ASAP1: variants seen among roughly 807,000 people sequenced by gnomAD.
ASAP1 encodes the protein arf-GAP with SH3 domain, ANK repeat and PH domain-containing protein 1.
A neutral mutation model predicts 145.2 loss-of-function variants in ASAP1; 43 were observed. The ratio of observed to expected loss-of-function variants is 0.30; its 90% CI spans 0.23 to 0.38. The LOEUF (loss-of-function observed/expected upper bound fraction) is 0.38, where lower values mean the gene tolerates loss of function less well. Ranked by LOEUF, ASAP1 falls within the 10% of genes least tolerant of loss-of-function variation. The pLI is 1.00. For synonymous variants in ASAP1, 546 were observed against 515.5 expected, an observed-to-expected ratio of 1.06 and a Z score of -0.80; for missense variants, 1,018 against 1,355.3, an observed-to-expected ratio of 0.75 and a Z score of 3.91.
chr8:130,120,238 C>T (rs1311497405), intron 18 of ASAP1, among the ~76,000 whole-genome samples: 8 of 152,244 alleles, frequency 5.3e-5, no homozygotes, highest in East Asian at 1.9e-4. Flanking sequence ...ACCAAAAGAA[C>T]GGCCCAAGCC....
intron 3 of ASAP1, among the ~76,000 whole-genome samples, chr8:130,280,107 C>A (rs1002384675): frequency 1.8e-4 from 27 of 152,136 alleles, no homozygotes; most frequent in African/African-American, 6.5e-4. Context: ...GACAAGGAAA[C>A]CATGGTTCAG....
chr8:130,214,087 T>C (rs1349636105), intron 5 of ASAP1, among the ~76,000 whole-genome samples: 1 of 152,224 alleles, frequency 6.6e-6, no homozygotes, highest in East Asian at 1.9e-4. Context: ...AGGTTCATTA[T>C]TTATATATCA....
At chr8:130,187,204 C>T in intron 7 of ASAP1, 32 bp downstream of exon 7, 2 of 1,563,726 alleles carry the variant, frequency 1.3e-6, no homozygotes, top group Non-Finnish European at 1.7e-6. Flanking sequence ...TATTAAAAAA[C>T]AAACAAAAAC....
chr8:130,276,552 G>A (rs1000845580), intron 3 of ASAP1, among the ~76,000 whole-genome samples: 1 of 152,144 alleles, frequency 6.6e-6, no homozygotes, highest in African/African-American at 2.4e-5. Flanking sequence ...CCTGTAGGCT[G>A]ATCCCAGGGT....
At chr8:130,432,271 G>GA (rs1342544394) in intron 1 of ASAP1, among the ~76,000 whole-genome samples, 1 of 152,152 alleles carries the variant, frequency 6.6e-6, no homozygotes, top group Non-Finnish European at 1.5e-5. Flanking sequence ...TAAAGACTGG[G>GA]AAAGGCTTTT....
rs202186430 is a variant in ASAP1, at chr8:130,162,817, CA to C, written c.910-2854del. On this transcript the variant is annotated intron_variant, in intron 11 of 29. Transcript: ENST00000518721. Reference sequence around the variant, plus strand: ...TGGGCGACAGAGGGAGACTCCGTCTCAAAAAAAAAAAAAAACAAACAAAATC... The same window carrying C: ...TGGGCGACAGAGGGAGACTCCGTCTCAAAAAAAAAAAAAACAAACAAAATC... 1.0e-3 allele frequency among the ~76,000 whole-genome samples: 129 copies of C among 123,244 alleles called. 1 individual carries two copies. The highest frequency in any genetic ancestry group is 1.8e-3 in the African/African-American group (55 of 31,248). 80.9% of individuals were successfully genotyped at this position (123,244 alleles called of 152,430 possible).
At chr8:130,217,757 G>C (rs1817027191) in intron 4 of ASAP1, among the ~76,000 whole-genome samples, 1 of 152,090 alleles carries the variant, frequency 6.6e-6, no homozygotes, top group African/African-American at 2.4e-5. Flanking sequence ...AAATAGCGTA[G>C]GATGTTCAAT....
At chr8:130,340,450 GT>G (rs1277840824) in intron 3 of ASAP1, among the ~76,000 whole-genome samples, 1 of 152,162 alleles carries the variant, frequency 6.6e-6, no homozygotes, top group Non-Finnish European at 1.5e-5. Context: ...AAATCACTCT[GT>G]CTCCCTTCAT....
chr8:130,248,770 C>T (rs1262371364), intron 3 of ASAP1, among the ~76,000 whole-genome samples: 1 of 152,106 alleles, frequency 6.6e-6, no homozygotes, highest in Non-Finnish European at 1.5e-5. Context: ...AAACTCAAGG[C>T]TTCCTCCAAA....
At chr8:130,360,226 AAAG>A (rs1185729386) in intron 2 of ASAP1, among the ~76,000 whole-genome samples, 1 of 152,234 alleles carries the variant, frequency 6.6e-6, no homozygotes, top group African/African-American at 2.4e-5. Flanking sequence ...GCTATAGTAT[AAAG>A]AATCTGCAGA....
intron 1 of ASAP1, among the ~76,000 whole-genome samples, chr8:130,424,218 C>T (rs538913416): frequency 6.6e-6 from 1 of 152,314 alleles, no homozygotes; most frequent in South Asian, 2.1e-4. Flanking sequence ...CATGAGACTG[C>T]GGCTGCCCAT....
intron 2 of ASAP1, among the ~76,000 whole-genome samples, chr8:130,369,310 G>A (rs1484385261): frequency 6.6e-6 from 1 of 152,096 alleles, no homozygotes; most frequent in Non-Finnish European, 1.5e-5. Context: ...ATAGCCTGAA[G>A]GTAATCTTAT....
intron 3 of ASAP1, among the ~76,000 whole-genome samples, chr8:130,307,040 C>T (rs1267577419): frequency 1.3e-5 from 2 of 152,178 alleles, no homozygotes; most frequent in Admixed American, 1.3e-4. Flanking sequence ...TAAAGAGATA[C>T]CTCTGGGCAA....
intron 3 of ASAP1, among the ~76,000 whole-genome samples, chr8:130,333,720 C>A (rs548414673): frequency 6.6e-6 from 1 of 152,194 alleles, no homozygotes; most frequent in African/African-American, 2.4e-5. Flanking sequence ...AGTCACAACA[C>A]CAGAAGATTA....
intron 24 of ASAP1, among the ~76,000 whole-genome samples, chr8:130,108,379 A>C (rs372655442): frequency 1.3e-5 from 2 of 152,350 alleles, no homozygotes. Flanking sequence ...TTAAAAGGTT[A>C]GTTCTTTTAA....
chr8:130,117,391 C>A (rs990249010), intron 20 of ASAP1, among the ~76,000 whole-genome samples: 2 of 152,166 alleles, frequency 1.3e-5, no homozygotes, highest in Non-Finnish European at 2.9e-5. Flanking sequence ...GGTAATCTAT[C>A]TCTGGAGCCA....
intron 24 of ASAP1, among the ~76,000 whole-genome samples, chr8:130,110,315 G>T (rs1215051887): frequency 6.6e-6 from 1 of 152,162 alleles, no homozygotes; most frequent in Admixed American, 6.5e-5. Context: ...CATAGGCTGT[G>T]CCTGTCTAGA....
At chr8:130,130,528 A>G (rs900207450) in intron 15 of ASAP1, among the ~76,000 whole-genome samples, 1 of 152,218 alleles carries the variant, frequency 6.6e-6, no homozygotes, top group Admixed American at 6.5e-5. Context: ...ATCATTTGTG[A>G]CATTAACTTT....
chr8:130,399,215 A>C (rs1287500289), intron 2 of ASAP1, among the ~76,000 whole-genome samples: 3 of 152,206 alleles, frequency 2.0e-5, no homozygotes, highest in Non-Finnish European at 4.4e-5. Context: ...ATGGCAAACA[A>C]ACTAGAGAAA....
Sources: gnomAD v4.1 joint callset for allele counts (sites outside exome capture counted in the v4.1 genomes callset) on GRCh38, gnomAD v4.1.1 for gene constraint, MANE v1.5 for transcripts, NCBI Gene and HGNC (gene_info 2026-07-23, HGNC 2026-07-21) for gene names.